Variants in ATF7IP2 observed in about 807,000 individuals in gnomAD.
The protein encoded by ATF7IP2 is activating transcription factor 7-interacting protein 2.
ATF7IP2 carries 42 observed loss-of-function variants against 64.2 expected under a neutral mutation model. The ratio of observed to expected loss-of-function variants is 0.65; its 90% confidence interval spans 0.51 to 0.85. The LOEUF (loss-of-function observed/expected upper bound fraction) is 0.85. Among genes scored for constraint, ATF7IP2 ranks in the 40% least tolerant of loss-of-function variants. The pLI, the probability that ATF7IP2 is intolerant of heterozygous loss-of-function variation, is 0.00. For synonymous variants in ATF7IP2, 308 were observed against 272.8 expected, an observed-to-expected ratio of 1.13 and a Z score of -1.27; for missense variants, 933 against 784.2, an observed-to-expected ratio of 1.19 and a Z score of -2.27.
rs371715743 is a variant in ATF7IP2 at position 10,477,188 on chromosome 16, G to C, written c.1549+3199G>C. On this transcript the variant is annotated intron_variant, in intron 12 of 13. Transcript: ENST00000562102. ...GAATGGGAGAAAATTTTTGCAATCT[G>C]TCTAACTGACAAAGGTCTAACACCC... Among the ~76,000 whole-genome samples, 10 of 152,272 alleles carry C rather than the reference G, an allele frequency of 6.6e-5. No homozygotes were observed. In the East Asian group the frequency reaches 1.5e-3, roughly 23 times the overall value.
At chr16:10,389,691 G>T (rs771640250) in intron 1 of ATF7IP2, among the ~76,000 whole-genome samples, 13 of 152,186 alleles carry the variant, frequency 8.5e-5, no homozygotes, top group Non-Finnish European at 1.6e-4. Context: ...TAAAGTGATT[G>T]CCATTAGATA....
intron 11 of ATF7IP2, 58 bp downstream of exon 11, chr16:10,473,592 C>A: frequency 1.6e-6 from 2 of 1,243,352 alleles, no homozygotes; most frequent in Non-Finnish European, 2.3e-6. Flanking sequence ...GTTCAAGGAA[C>A]TTTAGTGTTT....
chr16:10,430,850 T>C lies in ATF7IP2; in HGVS notation c.230T>C (p.Leu77Ser). The C allele has an allele frequency of 1.2e-6, 2 of 1,613,952 alleles. No individual in the cohort carries two copies. The highest frequency in any genetic ancestry group is 1.6e-4 in the Middle Eastern group (1 of 6,062). Residue 77 changes from leucine to serine, a missense_variant, in exon 5 of 14, where the codon TTG becomes TCG. Leu to Ser is a moderately radical substitution (Grantham distance 145). Transcript: ENST00000562102. ...CCTTCTGAAAATGGTGCATCCTCAT[T>C]GGACTCTAATAAAAATTCAATATCA... ...CSPSENGASS[L>S]DSNKNSISEK... is the part of the protein sequence containing the mutation.
At chr16:10,425,583 C>G (rs1229017859) in intron 3 of ATF7IP2, among the ~76,000 whole-genome samples, 2 of 151,906 alleles carry the variant, frequency 1.3e-5, no homozygotes, top group Non-Finnish European at 2.9e-5. Flanking sequence ...TTACAGGAAA[C>G]ATAAATTGAT....
intron 6 of ATF7IP2, among the ~76,000 whole-genome samples, chr16:10,436,160 A>G (rs555674367): frequency 6.6e-6 from 1 of 152,228 alleles, no homozygotes; most frequent in African/African-American, 2.4e-5. Context: ...CAGGAGTTCA[A>G]GACCAGCCTG....
At chr16:10,391,509 C>A (rs368977582) in intron 1 of ATF7IP2, among the ~76,000 whole-genome samples, 2 of 152,154 alleles carry the variant, frequency 1.3e-5, no homozygotes, top group Non-Finnish European at 2.9e-5. Context: ...ACTTTGACAG[C>A]CTCTTTTTGT....
At chr16:10,440,831 A>G (rs1010246411) in intron 8 of ATF7IP2, among the ~76,000 whole-genome samples, 1 of 152,176 alleles carries the variant, frequency 6.6e-6, no homozygotes, top group African/African-American at 2.4e-5. Context: ...TACACGTGTC[A>G]TGGTGGTTTG....
At chr16:10,450,428 C>G (rs1181953129) in intron 8 of ATF7IP2, among the ~76,000 whole-genome samples, 1 of 152,108 alleles carries the variant, frequency 6.6e-6, no homozygotes, top group Non-Finnish European at 1.5e-5. Flanking sequence ...TAAAGTCTCC[C>G]ACTATTACTG....
chr16:10,440,324 A>C, intron 7 of ATF7IP2, 40 bp from the exon 8 acceptor site: 1 of 1,036,110 alleles, frequency 9.7e-7, no homozygotes, highest in South Asian at 1.6e-5. Context: ...GATATATAGT[A>C]CTCTGGCTTA....
intron 8 of ATF7IP2, among the ~76,000 whole-genome samples, chr16:10,456,311 C>G (rs2049166188): frequency 6.6e-6 from 1 of 152,206 alleles, no homozygotes; most frequent in African/African-American, 2.4e-5. Context: ...AAGAGGCTCA[C>G]TATCAGAAGA....
At chr16:10,462,877 C>G (rs535613076) in intron 9 of ATF7IP2, among the ~76,000 whole-genome samples, 1 of 152,262 alleles carries the variant, frequency 6.6e-6, no homozygotes, top group East Asian at 1.9e-4. Flanking sequence ...ATACTTTTGT[C>G]TGGATATTTT....
intron 12 of ATF7IP2, among the ~76,000 whole-genome samples, chr16:10,475,071 GT>G (rs2049952829): frequency 6.6e-6 from 1 of 152,102 alleles, no homozygotes; most frequent in African/African-American, 2.4e-5. Context: ...AACAAAATTT[GT>G]TGCCAGCAGA....
At chr16:10,481,059 G>A in intron 13 of ATF7IP2, 95 bp downstream of exon 13, 1 of 893,024 alleles carries the variant, frequency 1.1e-6, no homozygotes, top group East Asian at 2.5e-5. Flanking sequence ...TCACATTTCA[G>A]CTTAGACAAC....
chr16:10,390,368 C>T (rs528873825), intron 1 of ATF7IP2, among the ~76,000 whole-genome samples: 12 of 152,228 alleles, frequency 7.9e-5, no homozygotes, highest in Admixed American at 3.9e-4. Flanking sequence ...TAAAAAATTA[C>T]AATGCATCTT....
intron 7 of ATF7IP2, among the ~76,000 whole-genome samples, chr16:10,439,240 G>A (rs368511856): frequency 1.1e-4 from 16 of 151,688 alleles, no homozygotes; most frequent in South Asian, 2.1e-4. Flanking sequence ...GTTTTGTTTC[G>A]TTTGTTTGAG....
At chr16:10,410,103 T>C (rs2047724171) in intron 1 of ATF7IP2, among the ~76,000 whole-genome samples, 1 of 152,190 alleles carries the variant, frequency 6.6e-6, no homozygotes, top group Non-Finnish European at 1.5e-5. Context: ...TTTCTAGTTT[T>C]GTGAAGAAGA....
rs376238657 is a variant in ATF7IP2 at position 10,481,791 on chromosome 16, A to G, written c.1636-45A>G. ...AGAAATATATATTTCTACAACTGCAATTGACCACTTTAAAAGCTATATTTT... is the reference window on the plus strand; with the variant it reads ...AGAAATATATATTTCTACAACTGCAGTTGACCACTTTAAAAGCTATATTTT... On this transcript the variant is annotated intron_variant, in intron 13 of 13. Transcript: ENST00000562102. 7.1e-5 allele frequency: 104 copies of G among 1,462,918 alleles called. 1 individual carries two copies. Among genetic ancestry groups the G allele is most frequent in the South Asian group, 5.1e-4 (37 of 72,840 alleles). 90.6% of individuals were successfully genotyped at this position (1,462,918 alleles called of 1,614,324 possible). A position where few individuals can be genotyped will look rare whatever the true frequency, so the allele number is the denominator to read the frequency against.
Position 10,438,174 on chromosome 16 carries a change from A to T in ATF7IP2, c.1034A>T (p.Asn345Ile). The change falls in exon 7 of 14, where the codon AAC (asparagine) becomes ATC (isoleucine). Residue 345 changes from asparagine (N) to isoleucine (I), a missense_variant. Coordinates refer to ENST00000562102, the MANE Select transcript of ATF7IP2 (RefSeq NM_001393719.1). ...TTTGATAAGAAACTGAAAGAATTGA[A>T]CCAACGCATTGGGAAGACAGAGTGC... ...ELFDKKLKEL[N>I]QRIGKTECRN... 1 of 1,606,430 alleles carries T rather than the reference A, an allele frequency of 6.2e-7. No homozygotes were observed. The highest frequency in any genetic ancestry group is 1.1e-5 in the South Asian group (1 of 89,796).
intron 9 of ATF7IP2, among the ~76,000 whole-genome samples, chr16:10,458,525 A>T (rs1258811873): frequency 2.0e-5 from 3 of 152,198 alleles, no homozygotes; most frequent in Non-Finnish European, 4.4e-5. Flanking sequence ...CGATTTATAA[A>T]ACTGTTTAAG....
Sources: gnomAD v4.1 joint callset for allele counts (sites outside exome capture counted in the v4.1 genomes callset) on GRCh38, gnomAD v4.1.1 for gene constraint, MANE v1.5 for transcripts, NCBI Gene and HGNC (gene_info 2026-07-23, HGNC 2026-07-21) for gene names.